LARGE1: variants seen among roughly 807,000 people sequenced by gnomAD.
The protein encoded by LARGE1 is LARGE xylosyl- and glucuronyltransferase 1, also known as xylosyl- and glucuronyltransferase LARGE1.
A neutral mutation model predicts 87.6 loss-of-function variants in LARGE1; 43 were observed. That is an observed-to-expected ratio of 0.49 (90% CI 0.38 to 0.63). The LOEUF is 0.63. Among genes scored for constraint, LARGE1 ranks in the 30% least tolerant of loss-of-function variants. The probability of loss-of-function intolerance (pLI) is 0.00; values close to 1 mark genes in which losing one functional copy is unlikely to be tolerated. For synonymous variants in LARGE1, 434 were observed against 394.6 expected (o/e 1.10, Z -1.18); for missense variants, 802 against 1,000.2 (o/e 0.80, Z 2.67).
intron 1 of LARGE1, among the ~76,000 whole-genome samples, chr22:33,817,748 G>A (rs2086698505): frequency 6.6e-6 from 1 of 152,160 alleles, no homozygotes; most frequent in African/African-American, 2.4e-5. Flanking sequence ...ACCGATATTA[G>A]CATTCAGTAG....
intron 1 of LARGE1, among the ~76,000 whole-genome samples, chr22:33,798,758 C>T (rs713840): frequency 0.27 from 40,989 of 152,078 alleles, 5,743 homozygotes; most frequent in East Asian, 0.41. Context: ...ACCTCACTAG[C>T]TTCATTGGGT....
intron 6 of LARGE1, among the ~76,000 whole-genome samples, chr22:33,556,105 C>T (rs775970394): frequency 6.6e-6 from 1 of 152,082 alleles, no homozygotes; most frequent in Non-Finnish European, 1.5e-5. Context: ...CCTCCAACTT[C>T]CCTCACTAGC....
chr22:33,133,176 G>A, the LARGE1 span, among the ~76,000 whole-genome samples: 4 of 152,240 alleles, frequency 2.6e-5, no homozygotes, highest in Middle Eastern at 3.4e-3. Context: ...CTGTGCCAGG[G>A]CACTTATTTT....
chr22:33,681,308 TA>T (rs2081763920), intron 2 of LARGE1, among the ~76,000 whole-genome samples: 1 of 152,178 alleles, frequency 6.6e-6, no homozygotes, highest in Admixed American at 6.5e-5. Flanking sequence ...AGAAAGTTAT[TA>T]AAACAGGCAT....
At chr22:33,365,408 A>G (rs1255517129) in intron 9 of LARGE1, among the ~76,000 whole-genome samples, 1 of 152,130 alleles carries the variant, frequency 6.6e-6, no homozygotes, top group Non-Finnish European at 1.5e-5. Flanking sequence ...TGGCTATAAA[A>G]TTATTTGTGG....
chr22:33,236,866 G>C (rs1926278017), intron 11 of LARGE1, among the ~76,000 whole-genome samples: 1 of 152,178 alleles, frequency 6.6e-6, no homozygotes, highest in African/African-American at 2.4e-5. Flanking sequence ...AGAGACTTAA[G>C]TAAGCGTCCT....
chr22:33,885,136 C>A (rs144828072), intron 1 of LARGE1, among the ~76,000 whole-genome samples: 1 of 152,220 alleles, frequency 6.6e-6, no homozygotes, highest in Non-Finnish European at 1.5e-5. Flanking sequence ...AATCCACATG[C>A]GCCAGAAAGT....
At chr22:33,879,703 G>A (rs779276555) in intron 1 of LARGE1, among the ~76,000 whole-genome samples, 11 of 152,112 alleles carry the variant, frequency 7.2e-5, no homozygotes, top group Non-Finnish European at 1.3e-4. Context: ...CTTTGGTAAC[G>A]CATGAACTTG....
intron 6 of LARGE1, among the ~76,000 whole-genome samples, chr22:33,544,589 G>C (rs1465760249): frequency 1.3e-5 from 2 of 152,114 alleles, no homozygotes; most frequent in East Asian, 3.8e-4. Context: ...GGAGGCTGAA[G>C]GAGAATCACT....
intron 9 of LARGE1, among the ~76,000 whole-genome samples, chr22:33,345,081 GTAA>G (rs752904575): frequency 1.3e-5 from 2 of 152,154 alleles, no homozygotes; most frequent in African/African-American, 4.8e-5. Flanking sequence ...TTATCAAGTA[GTAA>G]TAATAATAAT....
chr22:33,765,783 C>T (rs897262792), intron 1 of LARGE1, among the ~76,000 whole-genome samples: 5 of 147,354 alleles, frequency 3.4e-5, no homozygotes, highest in African/African-American at 7.5e-5. Context: ...GAACTGAACT[C>T]ATTTGGCATT....
chr22:33,823,529 A>T (rs1192567619), intron 1 of LARGE1, among the ~76,000 whole-genome samples: 2 of 152,208 alleles, frequency 1.3e-5, no homozygotes, highest in Admixed American at 1.3e-4. Flanking sequence ...GGAAAAGGAA[A>T]TGAGGTCCAG....
chr22:33,770,932 G>T (rs1228054647), intron 1 of LARGE1, among the ~76,000 whole-genome samples: 1 of 151,950 alleles, frequency 6.6e-6, no homozygotes. Context: ...TGATGAAAAT[G>T]CCCATCCAAA....
intron 1 of LARGE1, among the ~76,000 whole-genome samples, chr22:33,833,162 T>C (rs2063020446): frequency 6.6e-6 from 1 of 152,230 alleles, no homozygotes; most frequent in South Asian, 2.1e-4. Context: ...TTTATTACAT[T>C]ATCTCCTCAA....
At chr22:33,593,456 C>T (rs149769108) in intron 5 of LARGE1, among the ~76,000 whole-genome samples, 1 of 152,166 alleles carries the variant, frequency 6.6e-6, no homozygotes, top group Non-Finnish European at 1.5e-5. Flanking sequence ...TTGCTCAAAA[C>T]TCTGCAGACA....
At chr22:33,162,774 A>T (rs1922076128) in exon 12 of LARGE1, 1 of 152,206 alleles carries the variant, frequency 6.6e-6, no homozygotes, top group Non-Finnish European at 1.5e-5. Flanking sequence ...CTAACAATTG[A>T]CTGAAAGTTA....
At chr22:33,714,283 C>T (rs1478459552) in intron 2 of LARGE1, among the ~76,000 whole-genome samples, 1 of 152,138 alleles carries the variant, frequency 6.6e-6, no homozygotes, top group Non-Finnish European at 1.5e-5. Context: ...GTTCAGAGAA[C>T]AGCCTCACAT....
At chr22:33,686,560 A>AAAAAAG (rs2081950334) in intron 2 of LARGE1, among the ~76,000 whole-genome samples, 4 of 132,800 alleles carry the variant, frequency 3.0e-5, no homozygotes, top group Non-Finnish European at 4.7e-5. Context: ...AAAAAAAAAA[A>AAAAAAG]AAAAAACAAA....
At chr22:33,089,368 T>TCTTCTC in the LARGE1 span, among the ~76,000 whole-genome samples, 21 of 78,286 alleles carry the variant, frequency 2.7e-4, no homozygotes, top group African/African-American at 9.1e-4. Context: ...TTCTTCTTCT[T>TCTTCTC]CTCCTTCTTC....
Sources: gnomAD v4.1 joint callset for allele counts (sites outside exome capture counted in the v4.1 genomes callset) on GRCh38, gnomAD v4.1.1 for gene constraint, MANE v1.5 for transcripts, NCBI Gene and HGNC (gene_info 2026-07-23, HGNC 2026-07-21) for gene names.